CWC27: variants seen among roughly 807,000 people sequenced by gnomAD.
CWC27 encodes the protein CWC27 spliceosome associated cyclophilin.
CWC27 carries 47 observed loss-of-function variants against 63.6 expected under a neutral mutation model. That is an observed-to-expected ratio of 0.74 (90% CI 0.58 to 0.94). The LOEUF is 0.94. CWC27 is among the 40% of genes least tolerant of loss of function. The pLI, the probability that CWC27 is intolerant of heterozygous loss-of-function variation, is 0.00. For synonymous variants in CWC27, 175 were observed against 179.8 expected, an observed-to-expected ratio of 0.97 and a Z score of 0.22; for missense variants, 495 against 554.3, an observed-to-expected ratio of 0.89 and a Z score of 1.07.
At chr5:64,838,082 C>A (rs1343808862) in intron 10 of CWC27, among the ~76,000 whole-genome samples, 2 of 152,076 alleles carry the variant, frequency 1.3e-5, no homozygotes, top group Non-Finnish European at 2.9e-5. Flanking sequence ...TTGATTTATT[C>A]CTTAGGAATT....
At chr5:64,983,613 T>A (rs1749367001) in intron 13 of CWC27, among the ~76,000 whole-genome samples, 1 of 152,198 alleles carries the variant, frequency 6.6e-6, no homozygotes, top group Non-Finnish European at 1.5e-5. Flanking sequence ...TGATCCTTGT[T>A]CTCAAGTAGA....
chr5:64,867,938 TGG>T (rs34263129), intron 10 of CWC27, among the ~76,000 whole-genome samples: 54,940 of 148,596 alleles, frequency 0.37, 10,560 homozygotes, highest in East Asian at 0.51. Context: ...TTGTTGTGTT[TGG>T]GGGGGGGGCT....
At chr5:64,970,811 A>C (rs887138793) in intron 11 of CWC27, among the ~76,000 whole-genome samples, 1 of 152,166 alleles carries the variant, frequency 6.6e-6, no homozygotes, top group African/African-American at 2.4e-5. Context: ...GATTGTTAAT[A>C]GATTGCATAT....
At chr5:64,797,690 A>G (rs1384217946) in intron 7 of CWC27, among the ~76,000 whole-genome samples, 1 of 152,200 alleles carries the variant, frequency 6.6e-6, no homozygotes, top group African/African-American at 2.4e-5. Context: ...TAATTAACAT[A>G]TGAATTACCT....
Position 64,804,221 on chromosome 5 carries a change from T to A in CWC27, c.781-8T>A, listed in dbSNP as rs774781868. ...CACCTGGCAAATACTCATTTTCCAT[T>A]TCTACAGGATGGAGAAGATGAAAGT... On this transcript the variant is annotated splice_region_variant and splice_polypyrimidine_tract_variant and intron_variant, in intron 9 of 13. Coordinates refer to ENST00000381070, the MANE Select transcript of CWC27 (RefSeq NM_005869.4). The A allele has an allele frequency of 1.3e-6, 2 of 1,581,994 alleles. No individual in the cohort carries two copies. Among genetic ancestry groups the A allele is most frequent in the Admixed American group, 3.6e-5 (2 of 55,744 alleles).
chr5:65,006,542 A>G (rs914907006), intron 13 of CWC27, among the ~76,000 whole-genome samples: 2 of 152,112 alleles, frequency 1.3e-5, no homozygotes, highest in African/African-American at 4.8e-5. Flanking sequence ...GAAAACTGCA[A>G]CCTATTAAAG....
At chr5:64,960,527 AT>A (rs1748887168) in intron 11 of CWC27, among the ~76,000 whole-genome samples, 1 of 152,040 alleles carries the variant, frequency 6.6e-6, no homozygotes, top group South Asian at 2.1e-4. Flanking sequence ...TTAATTTAAG[AT>A]CTGGTATATT....
In CWC27 at chr5:64,942,438, TAA is replaced by T. The variant is rs35936421; in HGVS notation, c.1043-29244_1043-29243del. Among the ~76,000 whole-genome samples the T allele has an allele frequency of 2.8e-3, 270 of 96,514 alleles. 1 individual carries two copies. Among genetic ancestry groups the T allele is most frequent in the African/African-American group, 7.4e-3 (170 of 23,072 alleles). 63.3% of individuals were successfully genotyped at this position (96,514 alleles called of 152,430 possible). A position where few individuals can be genotyped will look rare whatever the true frequency, so the allele number is the denominator to read the frequency against. On this transcript the variant is annotated intron_variant, in intron 11 of 13. Coordinates refer to ENST00000381070, the MANE Select transcript of CWC27 (RefSeq NM_005869.4). ...GTGACAGAGCAAGACCCTATCTCTTTAAAAAAAAAAAAAAAAAAAAAAGATAA... is the reference window on the plus strand; with the variant it reads ...GTGACAGAGCAAGACCCTATCTCTTTAAAAAAAAAAAAAAAAAAAAGATAA...
intron 10 of CWC27, among the ~76,000 whole-genome samples, chr5:64,830,321 A>G (rs1027545741): frequency 2.0e-5 from 3 of 152,092 alleles, no homozygotes; most frequent in African/African-American, 7.2e-5. Context: ...AAAACAAGAA[A>G]TGGGGAAAGG....
intron 13 of CWC27, among the ~76,000 whole-genome samples, chr5:64,979,615 A>C (rs1247587810): frequency 1.3e-5 from 2 of 152,228 alleles, no homozygotes; most frequent in Non-Finnish European, 2.9e-5. Context: ...TTATGAGTGC[A>C]TGGCATGTGC....
intron 10 of CWC27, chr5:64,807,761 A>G: frequency 6.5e-7 from 1 of 1,535,906 alleles, no homozygotes; most frequent in Non-Finnish European, 8.7e-7. Flanking sequence ...TCACACTTCA[A>G]ACTCACTCAA....
intron 11 of CWC27, among the ~76,000 whole-genome samples, chr5:64,967,292 A>G (rs1749034643): frequency 1.3e-5 from 2 of 152,146 alleles, no homozygotes; most frequent in South Asian, 4.1e-4. Context: ...AGACCTCAAC[A>G]TGGCAGGTTA....
intron 11 of CWC27, among the ~76,000 whole-genome samples, chr5:64,926,853 G>T (rs75981805): frequency 0.036 from 5,519 of 152,188 alleles, 351 homozygotes; most frequent in African/African-American, 0.13. Flanking sequence ...CCTAAAAACT[G>T]TTCCTAAACA....
chr5:64,789,142 T>C (rs1023718966), intron 7 of CWC27, 122 bp downstream of exon 7: 1 of 513,760 alleles, frequency 1.9e-6, no homozygotes, highest in Middle Eastern at 3.6e-4. Context: ...GCTCAGTAAG[T>C]GTTCATTGAA....
chr5:64,915,545 A>G (rs1032745711), intron 11 of CWC27, among the ~76,000 whole-genome samples: 1 of 152,262 alleles, frequency 6.6e-6, no homozygotes, highest in African/African-American at 2.4e-5. Flanking sequence ...ACAAGATTAA[A>G]CACACACAGA....
rs932106170 is a variant in CWC27, at chr5:64,908,712, T to C, written c.1042+23166T>C. On this transcript the variant is annotated intron_variant, in intron 11 of 13. Coordinates refer to ENST00000381070, the MANE Select transcript of CWC27 (RefSeq NM_005869.4). Reference sequence around the variant, plus strand: ...CAGAGACCAGGATTGCAACCCCTGCTTTTTTTTGTTTTCCATTTGCTTGGT... The same window carrying C: ...CAGAGACCAGGATTGCAACCCCTGCCTTTTTTTGTTTTCCATTTGCTTGGT... Among the ~76,000 whole-genome samples the C allele has an allele frequency of 4.6e-5, 7 of 152,036 alleles. No homozygotes were observed. The South Asian group carries it at 1.4e-3, about 31-fold the overall frequency.
chr5:64,872,645 G>A (rs1746699315), intron 10 of CWC27, among the ~76,000 whole-genome samples: 1 of 151,988 alleles, frequency 6.6e-6, no homozygotes, highest in African/African-American at 2.4e-5. Flanking sequence ...TTTGATGTCG[G>A]TAAAGCAAAT....
At chr5:64,928,631 C>A (rs1748168046) in intron 11 of CWC27, among the ~76,000 whole-genome samples, 1 of 151,848 alleles carries the variant, frequency 6.6e-6, no homozygotes. Context: ...GAATGATAAG[C>A]CAGAAAATAA....
chr5:64,897,833 T>C (rs959222784), intron 11 of CWC27, among the ~76,000 whole-genome samples: 1 of 152,182 alleles, frequency 6.6e-6, no homozygotes, highest in African/African-American at 2.4e-5. Flanking sequence ...AACTTCAGTT[T>C]ACCAGGAAAA....
Sources: gnomAD v4.1 joint callset for allele counts (sites outside exome capture counted in the v4.1 genomes callset) on GRCh38, gnomAD v4.1.1 for gene constraint, MANE v1.5 for transcripts, NCBI Gene and HGNC (gene_info 2026-07-23, HGNC 2026-07-21) for gene names.